ITM2B: variants seen among roughly 807,000 people sequenced by gnomAD.
ITM2B encodes the protein integral membrane protein 2B.
In ITM2B, 11 loss-of-function variants were observed where a neutral mutation model predicts 27.8. That is an observed-to-expected ratio of 0.40 (90% confidence interval 0.25 to 0.66). The LOEUF (loss-of-function observed/expected upper bound fraction) is 0.66. ITM2B is among the 30% of genes least tolerant of loss of function. ITM2B has a pLI of 0.43. For synonymous variants in ITM2B, 114 were observed against 114.3 expected (o/e 1.00, Z 0.02); for missense variants, 296 against 328.9 (o/e 0.90, Z 0.77).
At position 48,233,387 on chromosome 13, in the gene ITM2B, T is replaced by A; in HGVS notation, c.27T>A (p.Ala9=). Reference sequence around the variant, plus strand: ...TGGTGAAGGTGACGTTCAACTCCGCTCTGGCCCAGAAGGAGGCCAAGAAGG... The same window carrying A: ...TGGTGAAGGTGACGTTCAACTCCGCACTGGCCCAGAAGGAGGCCAAGAAGG... MVKVTFNS[A]LAQKEAKKDE... is the part of the protein sequence containing the mutation. Residue 9 remains alanine (A), a synonymous_variant, in exon 1 of 6, where the codon GCT becomes GCA. Coordinates refer to ENST00000647800, the MANE Select transcript of ITM2B (RefSeq NM_021999.5). 1 of 1,565,606 alleles carries A rather than the reference T, an allele frequency of 6.4e-7. No homozygotes were observed.
intron 1 of ITM2B, among the ~76,000 whole-genome samples, chr13:48,248,539 T>G (rs1951736231): frequency 6.6e-6 from 1 of 152,200 alleles, no homozygotes; most frequent in South Asian, 2.1e-4. Flanking sequence ...ACATATTTCC[T>G]TACATATTCA....
chr13:48,262,390 T>G lies in ITM2B; in HGVS notation c.*1166T>G, dbSNP rs1332823382. 3 of 152,164 alleles carry G rather than the reference T, an allele frequency of 2.0e-5. No individual in the cohort carries two copies. Among genetic ancestry groups the G allele is most frequent in the Admixed American group, 6.6e-5 (1 of 15,256 alleles). 9.4% of individuals were successfully genotyped at this position (152,164 alleles called of 1,614,324 possible). On this transcript the variant is annotated 3_prime_UTR_variant, in exon 6 of 6. Transcript: ENST00000647800. ...TCAGAGTTTTTAAAGCTTCCAACTCTTAAAGGATTTAGTCTAGAAACCAAT... is the reference window on the plus strand; with the variant it reads ...TCAGAGTTTTTAAAGCTTCCAACTCGTAAAGGATTTAGTCTAGAAACCAAT...
rs1027857703 is a variant in ITM2B, at chr13:48,266,398, A to T, written c.*5174A>T. ...TCTCAGACTAAAAGTTTCCTCAGAG[A>T]TGCCACCATAGCTCTCTATTTCTCA... On this transcript the variant is annotated 3_prime_UTR_variant, in exon 6 of 6. Transcript: ENST00000647800. 6.6e-6 allele frequency: 1 copy of T among 152,244 alleles called. No homozygotes were observed. Among genetic ancestry groups the T allele is most frequent in the Admixed American group, 6.6e-5 (1 of 15,264 alleles). 9.4% of individuals were successfully genotyped at this position (152,244 alleles called of 1,614,324 possible).
chr13:48,234,668 A>G (rs369444651), intron 1 of ITM2B, among the ~76,000 whole-genome samples: 10 of 152,326 alleles, frequency 6.6e-5, no homozygotes, highest in South Asian at 2.1e-4. Flanking sequence ...AATATAATCT[A>G]TCTTCAGAAT....
chr13:48,249,338 A>G (rs1026831543), intron 1 of ITM2B, among the ~76,000 whole-genome samples: 2 of 152,128 alleles, frequency 1.3e-5, no homozygotes, highest in East Asian at 1.9e-4. Flanking sequence ...TTTTATTGCT[A>G]TCTATTTCAT....
intron 4 of ITM2B, 35 bp downstream of exon 4, chr13:48,258,271 C>A: frequency 9.9e-7 from 1 of 1,010,964 alleles, no homozygotes; most frequent in Non-Finnish European, 1.6e-6. Flanking sequence ...ATGAATGATG[C>A]CTTCATAGTG....
Position 48,261,150 on chromosome 13 carries a change from C to G in ITM2B, c.727C>G (p.Arg243Gly). The G allele has an allele frequency of 6.2e-7, 1 of 1,611,626 alleles. No individual in the cohort carries two copies. Among genetic ancestry groups the G allele is most frequent in the South Asian group, 1.1e-5 (1 of 90,800 alleles). ...RRETIKGIQK[R>G]EASNCFAIRH... ...TCCCTCTCCAACAGGTATTCAGAAA[C>G]GTGAAGCCAGCAATTGTTTCGCAAT... The change falls in exon 6 of 6, where the codon CGT (arginine) becomes GGT (glycine). Residue 243 changes from arginine (R) to glycine (G), a missense_variant. By Grantham distance (125) the Arg-to-Gly change is moderately radical. Coordinates refer to ENST00000647800, the MANE Select transcript of ITM2B (RefSeq NM_021999.5).
At position 48,258,908 on chromosome 13, in the gene ITM2B, A is replaced by G. The variant is rs1335446493; in HGVS notation, c.676A>G (p.Lys226Glu). 1 of 1,613,526 alleles carries G rather than the reference A, an allele frequency of 6.2e-7. No individual in the cohort carries two copies. The highest frequency in any genetic ancestry group is 8.5e-7 in the Non-Finnish European group (1 of 1,179,496). Residue 226 changes from lysine to glutamate, a missense_variant, in exon 5 of 6, where the codon AAG becomes GAG. By Grantham distance (56) the Lys-to-Glu change is moderately conservative (BLOSUM62 1). Coordinates refer to ENST00000647800, the MANE Select transcript of ITM2B (RefSeq NM_021999.5). ...CTTTATTTATCGACTGTGTCATGAC[A>G]AGGAAACTTACAAACTGCAACGCAG... ...GFFIYRLCHDKETYKLQRRET... is the reference protein window; with the variant it reads ...GFFIYRLCHDEETYKLQRRET...
chr13:48,240,556 A>G lies in ITM2B; in HGVS notation c.117+7079A>G, dbSNP rs550123863. The stretch of plus-strand genomic sequence containing the variant: ...CCCTGCCTCACATGTCAGTAACAAT[A>G]TTGTTGGTACTTTTTTCACAGCAAG... On this transcript the variant is annotated intron_variant, in intron 1 of 5. Transcript: ENST00000647800. Among the ~76,000 whole-genome samples the G allele has an allele frequency of 7.9e-5, 12 of 152,238 alleles. No individual in the cohort carries two copies. In the East Asian group the frequency reaches 1.3e-3, roughly 17 times the overall value.
chr13:48,254,020 G>C, intron 2 of ITM2B, 84 bp downstream of exon 2: 1 of 1,343,780 alleles, frequency 7.4e-7, no homozygotes, highest in South Asian at 1.2e-5. Flanking sequence ...TTTACAACTT[G>C]CGCTAAGCTT....
At chr13:48,247,967 C>A (rs986550811) in intron 1 of ITM2B, among the ~76,000 whole-genome samples, 7 of 150,984 alleles carry the variant, frequency 4.6e-5, no homozygotes, top group African/African-American at 1.5e-4. Context: ...CTTTTAAGCG[C>A]GATGCAAGGT....
chr13:48,270,089 C>G lies in ITM2B; in HGVS notation c.*8865C>G, dbSNP rs1309060345. 1 of 152,194 alleles carries G rather than the reference C, an allele frequency of 6.6e-6. No homozygotes were observed. The highest frequency in any genetic ancestry group is 6.5e-5 in the Admixed American group (1 of 15,280). The allele number at this position is 152,194 out of a possible 1,614,324, so 9.4% of individuals were successfully genotyped here. A position where few individuals can be genotyped will look rare whatever the true frequency, so the allele number is the denominator to read the frequency against. On this transcript the variant is annotated 3_prime_UTR_variant, in exon 6 of 6. Coordinates refer to ENST00000647800, the MANE Select transcript of ITM2B (RefSeq NM_021999.5). ...GCACAGAACCGTGGGCACTGCTTCCCTTCCTTTAACCCTATCATATTGCTG... is the reference window on the plus strand; with the variant it reads ...GCACAGAACCGTGGGCACTGCTTCCGTTCCTTTAACCCTATCATATTGCTG...
chr13:48,245,323 C>CA (rs751736059), intron 1 of ITM2B, among the ~76,000 whole-genome samples: 5,870 of 95,208 alleles, frequency 0.062, 290 homozygotes, highest in African/African-American at 0.17. Context: ...GACTCCGTCT[C>CA]AAAAAAAAAA....
In ITM2B at chr13:48,263,715, C is replaced by T. The variant is rs1951834870; in HGVS notation, c.*2491C>T. The T allele has an allele frequency of 1.3e-5, 2 of 152,146 alleles. No individual in the cohort carries two copies. Among genetic ancestry groups the T allele is most frequent in the Admixed American group, 6.6e-5 (1 of 15,260 alleles). 9.4% of individuals were successfully genotyped at this position (152,146 alleles called of 1,614,324 possible). On this transcript the variant is annotated 3_prime_UTR_variant, in exon 6 of 6. Transcript: ENST00000647800. ...CTGCAGATTCAGTGTCTGATGAGGTCCTCCTTCCTCACAGAAAGCTCTCTT... is the reference window on the plus strand; with the variant it reads ...CTGCAGATTCAGTGTCTGATGAGGTTCTCCTTCCTCACAGAAAGCTCTCTT...
chr13:48,235,063 C>G (rs761769797), intron 1 of ITM2B, among the ~76,000 whole-genome samples: 2 of 152,000 alleles, frequency 1.3e-5, no homozygotes, highest in African/African-American at 2.4e-5. Flanking sequence ...ACAAATATAA[C>G]TGCTCCCATT....
intron 4 of ITM2B, 32 bp downstream of exon 4, chr13:48,258,268 A>G (rs1397402167): frequency 9.7e-7 from 1 of 1,027,760 alleles, no homozygotes; most frequent in African/African-American, 1.6e-5. Flanking sequence ...TTGATGAATG[A>G]TGCCTTCATA....
At chr13:48,234,076 G>A (rs1312314784) in intron 1 of ITM2B, among the ~76,000 whole-genome samples, 1 of 152,130 alleles carries the variant, frequency 6.6e-6, no homozygotes, top group African/African-American at 2.4e-5. Context: ...CCCGAAGTAG[G>A]TTTGGGCTGT....
rs201399334 is a variant in ITM2B at position 48,258,855 on chromosome 13, G to A, written c.623G>A (p.Arg208His). ...CATGAGCACATGGTTATTACTGATC[G>A]CATTGAAAACATTGATCACCTGGGT... is the stretch of plus-strand genomic sequence containing the variant. Reference protein sequence around the residue: ...LIHEHMVITDRIENIDHLGFF... With the variant: ...LIHEHMVITDHIENIDHLGFF... Residue 208 changes from arginine to histidine, a missense_variant, in exon 5 of 6, where the codon CGC (arginine) becomes CAC (histidine). Physicochemically the swap from Arg to His is conservative, Grantham distance 29 (BLOSUM62 0). Transcript: ENST00000647800. 60 of 1,612,922 alleles carry A rather than the reference G, an allele frequency of 3.7e-5. No individual in the cohort carries two copies. Among genetic ancestry groups the A allele is most frequent in the Admixed American group, 1.2e-4 (7 of 59,992 alleles).
intron 1 of ITM2B, among the ~76,000 whole-genome samples, chr13:48,238,421 G>A (rs573128819): frequency 2.4e-3 from 372 of 152,188 alleles, no homozygotes; most frequent in African/African-American, 8.6e-3. Context: ...AAGAATGAAC[G>A]TAGACTTTTT....
Sources: allele counts gnomAD v4.1 joint callset (sites outside exome capture counted in the v4.1 genomes callset), GRCh38; gene constraint gnomAD v4.1.1; transcripts MANE v1.5; gene names NCBI Gene and HGNC (gene_info 2026-07-23, HGNC 2026-07-21).